MORC1: variants seen among roughly 807,000 people sequenced by gnomAD.
MORC1 encodes MORC family CW-type zinc finger protein 1.
A neutral mutation model predicts 134.9 loss-of-function variants in MORC1; 59 were observed. The ratio of observed to expected loss-of-function variants is 0.44; its 90% CI spans 0.35 to 0.54. MORC1 has a LOEUF of 0.54. MORC1 is among the 20% of genes least tolerant of loss of function. The pLI is 0.00. For missense variants in MORC1, 947 were observed against 1,134.5 expected (o/e 0.83, Z 2.37); for synonymous variants, 395 against 391.7 (o/e 1.01, Z -0.10).
At chr3:109,064,826 G>C (rs759547620) in intron 9 of MORC1, among the ~76,000 whole-genome samples, 1 of 152,102 alleles carries the variant, frequency 6.6e-6, no homozygotes, top group Non-Finnish European at 1.5e-5. Flanking sequence ...GTAGAGATGT[G>C]GACGTTGAAT....
intron 16 of MORC1, among the ~76,000 whole-genome samples, chr3:109,028,476 G>A (rs1034777444): frequency 6.6e-6 from 1 of 152,128 alleles, no homozygotes; most frequent in Non-Finnish European, 1.5e-5. Flanking sequence ...CTCTGCTGTC[G>A]TAAGAGTATC....
chr3:109,019,709 T>TAATAAG (rs1948910027), intron 17 of MORC1, among the ~76,000 whole-genome samples: 1 of 152,214 alleles, frequency 6.6e-6, no homozygotes, highest in African/African-American at 2.4e-5. Flanking sequence ...CATAGCATTG[T>TAATAAG]AATAAGGATT....
chr3:109,071,941 CA>C (rs1257606035), intron 8 of MORC1, among the ~76,000 whole-genome samples: 1 of 152,144 alleles, frequency 6.6e-6, no homozygotes, highest in Non-Finnish European at 1.5e-5. Flanking sequence ...GGCCACAGAC[CA>C]ATTTTGCAAG....
rs930678065 is a variant in MORC1, at chr3:109,110,660, G to A, written c.154+89C>T. On this transcript the variant is annotated intron_variant, in intron 3 of 27. Coordinates refer to ENST00000232603, the MANE Select transcript of MORC1 (RefSeq NM_014429.4). ...AGATTACATTAAAATTCTATAGAAT[G>A]TGGTTTTATTTCATGAAATAAAATA... is the stretch of plus-strand genomic sequence containing the variant. The A allele has an allele frequency of 9.2e-6, 10 of 1,082,616 alleles. No individual in the cohort carries two copies. The African/African-American group carries it at 1.3e-4, about 14-fold the overall frequency. 67.1% of individuals were successfully genotyped at this position (1,082,616 alleles called of 1,614,324 possible).
At chr3:109,058,038 A>G (rs35602827) in intron 12 of MORC1, among the ~76,000 whole-genome samples, 3 of 152,220 alleles carry the variant, frequency 2.0e-5, no homozygotes, top group Non-Finnish European at 2.9e-5. Context: ...CTGACCTTCT[A>G]TATTATGTTT....
chr3:109,042,720 T>C (rs1226475429), intron 14 of MORC1, among the ~76,000 whole-genome samples: 1 of 152,224 alleles, frequency 6.6e-6, no homozygotes, highest in Non-Finnish European at 1.5e-5. Flanking sequence ...GAACATGTGG[T>C]ACCTATACAA....
At chr3:108,995,012 C>T (rs190764756) in intron 21 of MORC1, among the ~76,000 whole-genome samples, 4 of 152,244 alleles carry the variant, frequency 2.6e-5, no homozygotes, top group Non-Finnish European at 4.4e-5. Flanking sequence ...GTACTTTTAT[C>T]GTTTTTATGA....
At chr3:108,978,214 G>A (rs1947617764) in intron 24 of MORC1, among the ~76,000 whole-genome samples, 1 of 152,172 alleles carries the variant, frequency 6.6e-6, no homozygotes, top group Admixed American at 6.5e-5. Context: ...GAACCATGCT[G>A]AGGTCTGGCC....
At chr3:109,002,268 G>A (rs894919785) in intron 20 of MORC1, among the ~76,000 whole-genome samples, 1 of 152,206 alleles carries the variant, frequency 6.6e-6, no homozygotes, top group Non-Finnish European at 1.5e-5. Context: ...ACACAACGCA[G>A]TCAGGCACTA....
At chr3:108,965,300 A>G (rs1222427614) in intron 26 of MORC1, among the ~76,000 whole-genome samples, 1 of 152,246 alleles carries the variant, frequency 6.6e-6, no homozygotes, top group Non-Finnish European at 1.5e-5. Context: ...ACATTATTTG[A>G]AAAAACAATA....
intron 3 of MORC1, chr3:109,109,685 G>C (rs985159383): frequency 6.6e-6 from 1 of 152,268 alleles, no homozygotes; most frequent in African/African-American, 2.4e-5. Flanking sequence ...CCCTGTGGAG[G>C]TTAGCTCACT....
At chr3:108,984,481 GT>G (rs1284712608) in intron 23 of MORC1, among the ~76,000 whole-genome samples, 2 of 152,084 alleles carry the variant, frequency 1.3e-5, no homozygotes, top group African/African-American at 2.4e-5. Context: ...CTTGCTGTGG[GT>G]AGGAAGTTAA....
At chr3:109,033,360 G>A (rs1576656343) in intron 15 of MORC1, among the ~76,000 whole-genome samples, 1 of 150,086 alleles carries the variant, frequency 6.7e-6, no homozygotes, top group East Asian at 1.9e-4. Flanking sequence ...TTAGTTTTTT[G>A]AACCATATAC....
chr3:109,081,174 A>G (rs1950513319), intron 8 of MORC1, among the ~76,000 whole-genome samples: 1 of 152,156 alleles, frequency 6.6e-6, no homozygotes, highest in Non-Finnish European at 1.5e-5. Context: ...AATAAGAAAA[A>G]CAAAGAAAAA....
chr3:109,090,620 C>CAA (rs34093019), intron 8 of MORC1, among the ~76,000 whole-genome samples: 2,094 of 52,446 alleles, frequency 0.04, 69 homozygotes, highest in African/African-American at 0.11. Flanking sequence ...AACTCCGTCT[C>CAA]AAAAAAAAAA....
rs1025859427 is a variant in MORC1 at position 109,000,449 on chromosome 3, T to C, written c.2187+108A>G. On this transcript the variant is annotated intron_variant, in intron 21 of 27. Coordinates refer to ENST00000232603, the MANE Select transcript of MORC1 (RefSeq NM_014429.4). ...GAGTCTTATTTCTTCATCTCAAAAC[T>C]AGGTTTTCCAACTAAATGTTTCCAC... 1.1e-5 allele frequency: 9 copies of C among 801,902 alleles called. No homozygotes were observed. In the African/African-American group the frequency reaches 1.2e-4, roughly 11 times the overall value. 49.7% of individuals were successfully genotyped at this position (801,902 alleles called of 1,614,324 possible). A position where few individuals can be genotyped will look rare whatever the true frequency, so the allele number is the denominator to read the frequency against.
rs771393781 is a variant in MORC1 at position 109,099,413 on chromosome 3, G to A, written c.368C>T (p.Thr123Met). The change falls in exon 6 of 28, where the codon ACG becomes ATG. Residue 123 changes from threonine (T) to methionine (M), a missense_variant. This residue lies in a region of MORC1 where 214 missense variants were observed against 281.3 expected (regional missense o/e 0.76). Coordinates refer to ENST00000232603, the MANE Select transcript of MORC1 (RefSeq NM_014429.4). ...DFILFTKKEETMTCVFFSQTF... is the reference protein window; with the variant it reads ...DFILFTKKEEMMTCVFFSQTF... The stretch of plus-strand genomic sequence containing the variant: ...CTGAGAAAAAAACACACAGGTCATC[G>A]TTTCTTCCTTCTTCGTAAAAAGAAT... The A allele has an allele frequency of 5.0e-6, 8 of 1,612,980 alleles. No individual in the cohort carries two copies. The highest frequency in any genetic ancestry group is 1.7e-5 in the Admixed American group (1 of 59,826).
At position 108,963,928 on chromosome 3, in the gene MORC1, G is replaced by C. The variant is rs1947150328; in HGVS notation, c.2605-320C>G. On this transcript the variant is annotated intron_variant, in intron 26 of 27. Transcript: ENST00000232603. ...AGGTTGAATCTGTTCTCCCAATGGC[G>C]ATCACCAGATTATTTAAGGCACAAA... Among the ~76,000 whole-genome samples, 3 of 152,180 alleles carry C rather than the reference G, an allele frequency of 2.0e-5. No individual in the cohort carries two copies. The South Asian group carries it at 6.2e-4, about 31-fold the overall frequency.
At chr3:109,037,738 T>C (rs1949411458) in intron 14 of MORC1, among the ~76,000 whole-genome samples, 1 of 152,188 alleles carries the variant, frequency 6.6e-6, no homozygotes, top group South Asian at 2.1e-4. Flanking sequence ...TGATAGTTTC[T>C]GGCTTCATCC....
Sources: allele counts gnomAD v4.1 joint callset (sites outside exome capture counted in the v4.1 genomes callset), GRCh38; gene constraint gnomAD v4.1.1; regional missense constraint gnomAD v4.1.1; transcripts MANE v1.5; gene names NCBI Gene and HGNC (gene_info 2026-07-23, HGNC 2026-07-21).